COL4A1: variants seen among roughly 807,000 people sequenced by gnomAD.
COL4A1 encodes the protein collagen alpha-1(IV) chain.
Under a neutral mutation model 216.6 loss-of-function variants are expected in COL4A1, and 40 were observed. The ratio of observed to expected loss-of-function variants is 0.18; its 90% CI spans 0.14 to 0.24. COL4A1 has a LOEUF of 0.24. Ranked by LOEUF, COL4A1 falls within the 10% of genes least tolerant of loss-of-function variation. The pLI is 1.00. For synonymous variants in COL4A1, 839 were observed against 810.7 expected (o/e 1.03, Z -0.59); for missense variants, 1,628 against 2,196.8 (o/e 0.74, Z 5.18).
At chr13:110,233,792 T>C (rs1239525118) in intron 2 of COL4A1, among the ~76,000 whole-genome samples, 1 of 152,128 alleles carries the variant, frequency 6.6e-6, no homozygotes, top group African/African-American at 2.4e-5. Flanking sequence ...ACCAAAAGCA[T>C]CCAAAAGCTA....
chr13:110,253,700 A>ATG (rs1882359840), intron 1 of COL4A1, among the ~76,000 whole-genome samples: 6 of 112,072 alleles, frequency 5.4e-5, no homozygotes, highest in Non-Finnish European at 8.4e-5. Flanking sequence ...ATATAATTAT[A>ATG]CGTATGTATT....
intron 43 of COL4A1, 104 bp downstream of exon 43, chr13:110,169,525 C>CACACACACACACAT: frequency 6.7e-7 from 1 of 1,501,632 alleles, no homozygotes; most frequent in Non-Finnish European, 9.0e-7. Flanking sequence ...CACACACACA[C>CACACACACACACAT]ATATATATAC....
intron 1 of COL4A1, among the ~76,000 whole-genome samples, chr13:110,258,666 T>A (rs1233620564): frequency 6.6e-6 from 1 of 152,246 alleles, no homozygotes; most frequent in African/African-American, 2.4e-5. Context: ...CCAGGTGATA[T>A]AAATGATAAT....
intron 1 of COL4A1, among the ~76,000 whole-genome samples, chr13:110,304,508 C>A (rs1884609307): frequency 6.6e-6 from 1 of 152,136 alleles, no homozygotes; most frequent in African/African-American, 2.4e-5. Context: ...TTCATTCCGC[C>A]CAGTGCAACT....
chr13:110,241,638 C>T (rs1881572321), intron 2 of COL4A1, among the ~76,000 whole-genome samples: 1 of 152,156 alleles, frequency 6.6e-6, no homozygotes, highest in Admixed American at 6.5e-5. Context: ...TGAAACTTTC[C>T]TTACATACTC....
chr13:110,211,508 C>G lies in COL4A1; in HGVS notation c.468+139G>C, dbSNP rs1286610156. Reference sequence around the variant, plus strand: ...TTGTGGGTTACTTGTACAGTCTTTTCATGTAACAGAGTTTAGGGAAGTGTG... The same window carrying G: ...TTGTGGGTTACTTGTACAGTCTTTTGATGTAACAGAGTTTAGGGAAGTGTG... On this transcript the variant is annotated intron_variant, in intron 8 of 51. Transcript: ENST00000375820. This position sits in a 1 kb window ranked among gnomAD's most constrained non-coding sequence, Gnocchi z 4.3. The G allele has an allele frequency of 1.4e-6, 1 of 728,770 alleles. No homozygotes were observed. Among genetic ancestry groups the G allele is most frequent in the African/African-American group, 1.8e-5 (1 of 55,622 alleles). The allele number at this position is 728,770 out of a possible 1,614,324, so 45.1% of individuals were successfully genotyped here.
chr13:110,184,188 C>T (rs1566357180), intron 26 of COL4A1, among the ~76,000 whole-genome samples: 3 of 152,192 alleles, frequency 2.0e-5, no homozygotes, highest in Admixed American at 6.5e-5. Flanking sequence ...AGGAGCCCTA[C>T]AGCTGTGGGG....
chr13:110,170,447 A>T lies in COL4A1; in HGVS notation c.3742+100T>A, dbSNP rs960134573. On this transcript the variant is annotated intron_variant, in intron 42 of 51. Transcript: ENST00000375820. Reference sequence around the variant, plus strand: ...TAATAAATGCTGCAGACTTCTAAATAAAAAAGCCCAATTGAGAATTTAACT... The same window carrying T: ...TAATAAATGCTGCAGACTTCTAAATTAAAAAGCCCAATTGAGAATTTAACT... The T allele has an allele frequency of 9.1e-6, 12 of 1,323,140 alleles. No homozygotes were observed. In the African/African-American group the frequency reaches 1.5e-4, roughly 16 times the overall value. 82.0% of individuals were successfully genotyped at this position (1,323,140 alleles called of 1,614,324 possible). A position where few individuals can be genotyped will look rare whatever the true frequency, so the allele number is the denominator to read the frequency against.
chr13:110,161,822 C>T (rs779610913), intron 48 of COL4A1: 3 of 325,320 alleles, frequency 9.2e-6, no homozygotes, highest in Non-Finnish European at 1.8e-5. Flanking sequence ...AGGAGCAGAG[C>T]TCAGCAGCTG....
chr13:110,234,932 A>C (rs1298776573), intron 2 of COL4A1, among the ~76,000 whole-genome samples: 1 of 152,218 alleles, frequency 6.6e-6, no homozygotes, highest in African/African-American at 2.4e-5. Flanking sequence ...GTAATCTCAA[A>C]TATGCTTAAT....
intron 1 of COL4A1, among the ~76,000 whole-genome samples, chr13:110,253,419 ACATATAATTATATGTATTACAT>A (rs1882315876): frequency 1.2e-4 from 1 of 8,340 alleles, no homozygotes; most frequent in Non-Finnish European, 4.1e-4. Flanking sequence ...TATTACATAT[ACATATAATTATATGTATTACAT>A]ATACATATAA....
intron 21 of COL4A1, 46 bp downstream of exon 21, chr13:110,198,421 G>A (rs1451021004): frequency 6.2e-7 from 1 of 1,610,730 alleles, no homozygotes; most frequent in Non-Finnish European, 8.5e-7. Flanking sequence ...CCGGCACCCT[G>A]GTGTCTGCTT....
chr13:110,293,413 A>C (rs2139314517), intron 1 of COL4A1, among the ~76,000 whole-genome samples: 1 of 152,354 alleles, frequency 6.6e-6, no homozygotes, highest in Non-Finnish European at 1.5e-5. Flanking sequence ...TGCCAACTAT[A>C]GCTTTCAAGT....
intron 33 of COL4A1, 38 bp from the exon 34 acceptor site, chr13:110,177,075 A>G (rs370000895): frequency 1.2e-6 from 2 of 1,610,854 alleles, no homozygotes; most frequent in Non-Finnish European, 1.7e-6. Flanking sequence ...AGCCTGGGCC[A>G]GTGTCACAGA....
chr13:110,244,765 AC>A (rs922627583), intron 1 of COL4A1, among the ~76,000 whole-genome samples: 8 of 152,146 alleles, frequency 5.3e-5, no homozygotes, highest in African/African-American at 1.9e-4. Flanking sequence ...CATACAGCTC[AC>A]ACCAGGCTCC....
At chr13:110,281,882 C>G (rs1221085778) in intron 1 of COL4A1, among the ~76,000 whole-genome samples, 1 of 152,230 alleles carries the variant, frequency 6.6e-6, no homozygotes, top group African/African-American at 2.4e-5. Flanking sequence ...CTGCAAAAGG[C>G]CCTGACATCT....
intron 1 of COL4A1, among the ~76,000 whole-genome samples, chr13:110,257,740 A>G (rs1438561830): frequency 6.6e-6 from 1 of 152,218 alleles, no homozygotes; most frequent in African/African-American, 2.4e-5. Flanking sequence ...ATGAAAAAAG[A>G]GAATACATAA....
intron 51 of COL4A1, among the ~76,000 whole-genome samples, chr13:110,151,781 C>G (rs1037375628): frequency 6.6e-6 from 1 of 152,144 alleles, no homozygotes; most frequent in Non-Finnish European, 1.5e-5. Context: ...TCAACTCCAG[C>G]AAGGTTAGTA....
chr13:110,286,414 C>T (rs1197380035), intron 1 of COL4A1, among the ~76,000 whole-genome samples: 1 of 152,214 alleles, frequency 6.6e-6, no homozygotes, highest in African/African-American at 2.4e-5. Flanking sequence ...GCTGTCCGGT[C>T]AGGCCCAGAC....
Sources: gnomAD v4.1 joint callset for allele counts (sites outside exome capture counted in the v4.1 genomes callset) on GRCh38, gnomAD v4.1.1 for gene constraint, Gnocchi (gnomAD v3.1) non-coding constraint, MANE v1.5 for transcripts, NCBI Gene and HGNC (gene_info 2026-07-23, HGNC 2026-07-21) for gene names.